CHMP2B: variants seen among roughly 807,000 people sequenced by gnomAD.
CHMP2B encodes VPS2 homolog B.
CHMP2B carries 22 observed loss-of-function variants against 29.8 expected under a neutral mutation model. That is an observed-to-expected ratio of 0.74 (90% CI 0.53 to 1.05). The LOEUF (loss-of-function observed/expected upper bound fraction) is 1.05. Ranked by LOEUF, CHMP2B falls within the 50% of genes least tolerant of loss-of-function variation. CHMP2B has a pLI of 0.00. For missense variants in CHMP2B, 261 were observed against 252.2 expected (o/e 1.03, Z -0.24); for synonymous variants, 78 against 75.8 (o/e 1.03, Z -0.15).
Position 87,229,288 on chromosome 3 carries a change from T to G in CHMP2B, c.34+1732T>G, listed in dbSNP as rs191658081. ...CTGTATACTCATTTGCAGTTAATTCTTCCAAGAAATAATGTTTTTGCTGAA... is the reference window on the plus strand; with the variant it reads ...CTGTATACTCATTTGCAGTTAATTCGTCCAAGAAATAATGTTTTTGCTGAA... On this transcript the variant is annotated intron_variant, in intron 1 of 5. Transcript: ENST00000263780. Among the ~76,000 whole-genome samples the G allele has an allele frequency of 3.0e-3, 462 of 152,286 alleles. 3 individuals are homozygous for G. Among genetic ancestry groups the G allele is most frequent in the African/African-American group, 0.011 (442 of 41,558 alleles).
intron 3 of CHMP2B, 77 bp from the exon 4 acceptor site, chr3:87,249,798 T>G: frequency 1.2e-6 from 1 of 808,124 alleles, no homozygotes; most frequent in Non-Finnish European, 2.1e-6. Flanking sequence ...ATATTTGATG[T>G]GTTCCCTTTT....
chr3:87,240,915 G>A (rs1259366010), intron 2 of CHMP2B, 125 bp downstream of exon 2: 2 of 728,570 alleles, frequency 2.7e-6, no homozygotes, highest in Non-Finnish European at 5.0e-6. Context: ...TTAAGAAATG[G>A]CAGTTAATGA....
intron 2 of CHMP2B, among the ~76,000 whole-genome samples, chr3:87,243,386 G>GTT (rs554464106): frequency 9.9e-5 from 15 of 151,524 alleles, no homozygotes; most frequent in African/African-American, 3.6e-4. Context: ...TGTGTGGTGG[G>GTT]TTTTTTTTGT....
chr3:87,247,156 T>C (rs924654612), intron 3 of CHMP2B, among the ~76,000 whole-genome samples: 1 of 152,184 alleles, frequency 6.6e-6, no homozygotes, highest in Admixed American at 6.5e-5. Context: ...TATTGAACCA[T>C]TGCTCCCAGG....
In CHMP2B at chr3:87,255,279, G is replaced by A. The variant is rs898807863; in HGVS notation, c.*1457G>A. On this transcript the variant is annotated 3_prime_UTR_variant, in exon 6 of 6. Transcript: ENST00000263780. The stretch of plus-strand genomic sequence containing the variant: ...TTATAATGTTCAAAGATTAGGTTTT[G>A]TTATTGATAGTATTAAATACACAGT... The A allele has an allele frequency of 6.6e-6, 1 of 152,360 alleles. No homozygotes were observed. The allele number at this position is 152,360 out of a possible 1,614,324, so 9.4% of individuals were successfully genotyped here.
intron 1 of CHMP2B, among the ~76,000 whole-genome samples, chr3:87,239,919 A>C (rs575533414): frequency 5.3e-5 from 8 of 152,268 alleles, no homozygotes; most frequent in South Asian, 2.1e-4. Flanking sequence ...TGAGATTCAA[A>C]TCCAGATCTG....
rs1705833955 is a variant in CHMP2B at position 87,227,566 on chromosome 3, A to G, written c.34+10A>G. 1.2e-6 allele frequency: 2 copies of G among 1,613,932 alleles called. No individual in the cohort carries two copies. Among genetic ancestry groups the G allele is most frequent in the African/African-American group, 2.7e-5 (2 of 74,920 alleles). On this transcript the variant is annotated intron_variant, in intron 1 of 5. Coordinates refer to ENST00000263780, the MANE Select transcript of CHMP2B (RefSeq NM_014043.4). Reference sequence around the variant, plus strand: ...AAGAAAACCGTGGATGGTGAGTTCCAGGCCGGGCTGAAGGGGCCCAGCTCT... The same window carrying G: ...AAGAAAACCGTGGATGGTGAGTTCCGGGCCGGGCTGAAGGGGCCCAGCTCT...
chr3:87,253,592 G>A, intron 5 of CHMP2B, 82 bp downstream of exon 5: 1 of 1,325,020 alleles, frequency 7.5e-7, no homozygotes, highest in South Asian at 1.2e-5. Context: ...TTACTAGGAG[G>A]TGCATGGTTT....
chr3:87,230,227 A>G (rs1559604559), intron 1 of CHMP2B, among the ~76,000 whole-genome samples: 1 of 152,182 alleles, frequency 6.6e-6, no homozygotes, highest in Non-Finnish European at 1.5e-5. Context: ...TTCTTTAAAC[A>G]CTATATAATT....
intron 3 of CHMP2B, among the ~76,000 whole-genome samples, chr3:87,248,692 T>C (rs1024440921): frequency 1.3e-5 from 2 of 151,302 alleles, no homozygotes; most frequent in African/African-American, 4.9e-5. Flanking sequence ...AGGCATATTA[T>C]GGAATTTAGC....
At chr3:87,238,145 G>C (rs1048373064) in intron 1 of CHMP2B, among the ~76,000 whole-genome samples, 1 of 152,106 alleles carries the variant, frequency 6.6e-6, no homozygotes, top group Non-Finnish European at 1.5e-5. Context: ...ACTATTAACT[G>C]TAACTATTAT....
At chr3:87,243,914 G>C (rs1393612441) in intron 2 of CHMP2B, among the ~76,000 whole-genome samples, 3 of 149,192 alleles carry the variant, frequency 2.0e-5, no homozygotes, top group Non-Finnish European at 4.4e-5. Context: ...CCTGGCTAGT[G>C]GTTTATCAAT....
chr3:87,252,808 C>A (rs34733280), intron 4 of CHMP2B, among the ~76,000 whole-genome samples: 2,518 of 151,960 alleles, frequency 0.017, 35 homozygotes, highest in Non-Finnish European at 0.026. Flanking sequence ...ATGATGCATT[C>A]TATACAGAGT....
chr3:87,235,878 G>A (rs924007920), intron 1 of CHMP2B, among the ~76,000 whole-genome samples: 1 of 152,164 alleles, frequency 6.6e-6, no homozygotes, highest in Non-Finnish European at 1.5e-5. Flanking sequence ...TGACTGACCA[G>A]GGTTTTCCTA....
At chr3:87,247,206 A>G (rs1706229790) in intron 3 of CHMP2B, among the ~76,000 whole-genome samples, 1 of 152,100 alleles carries the variant, frequency 6.6e-6, no homozygotes, top group Non-Finnish European at 1.5e-5. Context: ...TTTGCCCACA[A>G]CGTTTTTTCA....
chr3:87,238,694 G>T (rs573812845), intron 1 of CHMP2B, among the ~76,000 whole-genome samples: 103 of 152,180 alleles, frequency 6.8e-4, no homozygotes, highest in Non-Finnish European at 1.2e-3. Context: ...TTGTTTATCT[G>T]TGCACCTCTT....
At position 87,240,689 on chromosome 3, in the gene CHMP2B, A is replaced by G. The variant is rs1214605844; in HGVS notation, c.35-10A>G. On this transcript the variant is annotated splice_polypyrimidine_tract_variant and intron_variant, in intron 1 of 5. Transcript: ENST00000263780. ...CCCATAAATTTAGGTTTCTTTTGTG[A>G]TTCTCCTAGATGTAATAAAGGAACA... The G allele has an allele frequency of 6.3e-7, 1 of 1,583,078 alleles. No individual in the cohort carries two copies. The highest frequency in any genetic ancestry group is 1.7e-5 in the Admixed American group (1 of 59,960).
At position 87,227,513 on chromosome 3, in the gene CHMP2B, G is replaced by C. The variant is rs367697846; in HGVS notation, c.-10G>C. 3.1e-6 allele frequency: 5 copies of C among 1,614,082 alleles called. No individual in the cohort carries two copies. Among genetic ancestry groups the C allele is most frequent in the Admixed American group, 3.3e-5 (2 of 60,014 alleles). ...GGCCGAGCCGGGCCGCCCGGGCGCA[G>C]TCTTTAACCATGGCGTCCCTCTTCA... is the stretch of plus-strand genomic sequence containing the variant. On this transcript the variant is annotated 5_prime_UTR_variant, in exon 1 of 6. Transcript: ENST00000263780.
At chr3:87,247,019 G>A (rs1445786255) in intron 3 of CHMP2B, among the ~76,000 whole-genome samples, 1 of 152,022 alleles carries the variant, frequency 6.6e-6, no homozygotes, top group Non-Finnish European at 1.5e-5. Context: ...TGAATATGAA[G>A]TGCAAAAGAA....
Sources: allele counts gnomAD v4.1 joint callset (sites outside exome capture counted in the v4.1 genomes callset), GRCh38; gene constraint gnomAD v4.1.1; transcripts MANE v1.5; gene names NCBI Gene and HGNC (gene_info 2026-07-23, HGNC 2026-07-21).